Variants in SORBS2 observed in about 807,000 individuals in gnomAD.
The protein encoded by SORBS2 is sorbin and SH3 domain-containing protein 2.
Under a neutral mutation model 97.7 loss-of-function variants are expected in SORBS2, and 46 were observed. That is an observed-to-expected ratio of 0.47 (90% CI 0.37 to 0.60). The LOEUF (loss-of-function observed/expected upper bound fraction) is 0.60, where lower values mean the gene tolerates loss of function less well. Ranked by LOEUF, SORBS2 falls within the 20% of genes least tolerant of loss-of-function variation. The pLI is 0.00. For missense variants in SORBS2, 1,316 were observed against 1,282.3 expected (o/e 1.03, Z -0.40); for synonymous variants, 476 against 473.4 (o/e 1.01, Z -0.07).
intron 1 of SORBS2, among the ~76,000 whole-genome samples, chr4:185,889,121 G>A (rs1215912793): frequency 2.0e-5 from 3 of 152,148 alleles, no homozygotes; most frequent in Non-Finnish European, 4.4e-5. Flanking sequence ...TAGAGGAAGA[G>A]GGTTTTTTCT....
intron 1 of SORBS2, among the ~76,000 whole-genome samples, chr4:185,941,356 T>C (rs1231851654): frequency 6.7e-6 from 1 of 149,490 alleles, no homozygotes; most frequent in Non-Finnish European, 1.5e-5. Flanking sequence ...ACCATTGCAT[T>C]AGAGGGCCAT....
chr4:185,953,096 C>T (rs2099277972), intron 1 of SORBS2, among the ~76,000 whole-genome samples: 1 of 152,184 alleles, frequency 6.6e-6, no homozygotes, highest in East Asian at 1.9e-4. Flanking sequence ...GGGTGGATCA[C>T]CTGAGGTCAG....
chr4:185,606,384 A>G lies in SORBS2; in HGVS notation c.2796+5396T>C. On this transcript the variant is annotated intron_variant, in intron 12 of 14. Coordinates refer to ENST00000418609, the Ensembl canonical transcript of SORBS2. The surrounding 1 kb of genome is among the most constrained non-coding windows in gnomAD (Gnocchi z 4.3). ...GTCCTGAAGAAAAATGGGATAATGG[A>G]ATTATATCACATATTTACATCATTT... The G allele has an allele frequency of 4.1e-6, 4 of 965,392 alleles. No homozygotes were observed. Among genetic ancestry groups the G allele is most frequent in the Non-Finnish European group, 4.9e-6 (4 of 811,830 alleles). 59.8% of individuals were successfully genotyped at this position (965,392 alleles called of 1,614,324 possible).
intron 1 of SORBS2, among the ~76,000 whole-genome samples, chr4:185,898,242 C>T (rs1218169723): frequency 6.6e-6 from 1 of 152,178 alleles, no homozygotes. Flanking sequence ...GAAACTCATT[C>T]ACATATTAAG....
At chr4:185,633,658 T>C (rs2153436462) in intron 4 of SORBS2, among the ~76,000 whole-genome samples, 1 of 152,162 alleles carries the variant, frequency 6.6e-6, no homozygotes, top group South Asian at 2.1e-4. Flanking sequence ...TAAATATATA[T>C]CTTGGAAGTG....
intron 2 of SORBS2, among the ~76,000 whole-genome samples, chr4:185,714,031 C>T (rs1174029500): frequency 2.0e-5 from 3 of 152,194 alleles, no homozygotes; most frequent in Non-Finnish European, 2.9e-5. Flanking sequence ...CAGCTACCCA[C>T]CTATCCTTAA....
rs188552713 is a variant in SORBS2 at position 185,672,858 on chromosome 4, G to A, written c.-46+5565C>T. Among the ~76,000 whole-genome samples, 125 of 152,234 alleles carry A rather than the reference G, an allele frequency of 8.2e-4. No individual in the cohort carries two copies. The East Asian group carries it at 0.014, about 16-fold the overall frequency. Reference sequence around the variant, plus strand: ...CATTGGCTGAGACTTGCCAGAATGCGGAGTGCAAGTGTTTAAAATGGAAAG... The same window carrying A: ...CATTGGCTGAGACTTGCCAGAATGCAGAGTGCAAGTGTTTAAAATGGAAAG... On this transcript the variant is annotated intron_variant, in intron 4 of 20. Transcript: ENST00000284776.
At position 185,792,746 on chromosome 4, in the gene SORBS2, G is replaced by A. The variant is rs144264839; in HGVS notation, c.-337-17380C>T. Among the ~76,000 whole-genome samples the A allele has an allele frequency of 7.7e-3, 1,177 of 152,158 alleles. 7 individuals carry two copies. Among genetic ancestry groups the A allele is most frequent in the Middle Eastern group, 0.024 (7 of 294 alleles). On this transcript the variant is annotated intron_variant, in intron 1 of 20. Transcript: ENST00000284776. ...ACTTATAAATAACGGTTTCCATAGA[G>A]CCCATGAGCAAAAAATACAGAGAGA... is the stretch of plus-strand genomic sequence containing the variant.
chr4:185,719,950 AT>A (rs1165532082), intron 2 of SORBS2, among the ~76,000 whole-genome samples: 1 of 152,180 alleles, frequency 6.6e-6, no homozygotes, highest in African/African-American at 2.4e-5. Context: ...TTATCACCAA[AT>A]TTTGACCAGT....
exon 10 of SORBS2, chr4:185,615,095 C>T: frequency 6.2e-7 from 1 of 1,614,086 alleles, no homozygotes; most frequent in Non-Finnish European, 8.5e-7. Flanking sequence ...TGTTCTCCCT[C>T]ATACCAATTT....
chr4:185,608,554 A>G (rs929406038), intron 12 of SORBS2, among the ~76,000 whole-genome samples: 28 of 152,226 alleles, frequency 1.8e-4, no homozygotes, highest in African/African-American at 6.8e-4. Flanking sequence ...TATTTTGGAT[A>G]TAGTAAATGA....
rs142088622 is a variant in SORBS2, at chr4:185,622,955, T to C, written c.2174A>G (p.Asn725Ser). 2.2e-4 allele frequency: 352 copies of C among 1,613,586 alleles called. 1 individual carries two copies. Among genetic ancestry groups the C allele is most frequent in the Middle Eastern group, 4.9e-4 (3 of 6,080 alleles). Residue 725 changes from asparagine (N) to serine (S), a missense_variant, in exon 7 of 15, where the codon AAC becomes AGC. By Grantham distance (46) the Asn-to-Ser change is conservative. Transcript: ENST00000418609. ...ACGGTCTTGGTGGTGGCAGCTGCTG[T>C]TGGCTGTGTCCACGTCTTGGAAAGA...
chr4:185,626,593 T>A (rs181389204), intron 6 of SORBS2, among the ~76,000 whole-genome samples: 2 of 152,332 alleles, frequency 1.3e-5, no homozygotes, highest in East Asian at 1.9e-4. Context: ...TAGAAAGGGA[T>A]CTATTTGGGG....
chr4:185,827,972 CTCATCACCATCATCATCA>C (rs1452748313), intron 1 of SORBS2, among the ~76,000 whole-genome samples: 3 of 25,848 alleles, frequency 1.2e-4, no homozygotes, highest in Non-Finnish European at 3.2e-4. Flanking sequence ...TCATCATCAT[CTCATCACCATCATCATCA>C]TCATCACCAT....
At chr4:185,906,463 GTTAA>G (rs1367356311) in intron 1 of SORBS2, among the ~76,000 whole-genome samples, 1 of 152,242 alleles carries the variant, frequency 6.6e-6, no homozygotes, top group Non-Finnish European at 1.5e-5. Flanking sequence ...ACATTAGGAA[GTTAA>G]TTAGAGATAC....
intron 2 of SORBS2, among the ~76,000 whole-genome samples, chr4:185,735,665 G>A (rs945995503): frequency 1.3e-5 from 2 of 151,854 alleles, no homozygotes; most frequent in Admixed American, 1.3e-4. Context: ...ATCCCTAGAC[G>A]ATATCATGAA....
intron 1 of SORBS2, among the ~76,000 whole-genome samples, chr4:185,654,167 A>G (rs1029650500): frequency 6.6e-6 from 1 of 152,212 alleles, no homozygotes; most frequent in Non-Finnish European, 1.5e-5. Flanking sequence ...CTCTTTCTCC[A>G]TGGAAGAGTT....
chr4:185,913,899 C>T (rs909343469), intron 1 of SORBS2, among the ~76,000 whole-genome samples: 3 of 152,174 alleles, frequency 2.0e-5, no homozygotes, highest in Admixed American at 1.3e-4. Context: ...ATAACATCCC[C>T]ATGTGGGACA....
At chr4:185,870,076 CAACT>C (rs752994978) in intron 1 of SORBS2, among the ~76,000 whole-genome samples, 15 of 152,162 alleles carry the variant, frequency 9.9e-5, no homozygotes, top group Non-Finnish European at 1.8e-4. Flanking sequence ...ATAATTATAA[CAACT>C]AACCACTACA....
Sources: allele counts gnomAD v4.1 joint callset (sites outside exome capture counted in the v4.1 genomes callset), GRCh38; gene constraint gnomAD v4.1.1; non-coding constraint Gnocchi (gnomAD v3.1); transcripts MANE v1.5; gene names NCBI Gene and HGNC (gene_info 2026-07-23, HGNC 2026-07-21).